Variants in ARMC9 observed in about 807,000 individuals in gnomAD.
ARMC9 encodes armadillo repeat containing 9, also known as lisH domain-containing protein ARMC9.
In ARMC9, 94 loss-of-function variants were observed where a neutral mutation model predicts 107.0. The ratio of observed to expected loss-of-function variants is 0.88; its 90% CI spans 0.74 to 1.04. The LOEUF (loss-of-function observed/expected upper bound fraction) is 1.04. Ranked by LOEUF, ARMC9 falls within the 50% of genes least tolerant of loss-of-function variation. The pLI is 0.00. For synonymous variants in ARMC9, 380 were observed against 396.9 expected (o/e 0.96, Z 0.51); for missense variants, 942 against 1,030.1 (o/e 0.91, Z 1.17).
Position 231,248,092 on chromosome 2 carries a change from C to T in ARMC9, c.879+8051C>T, listed in dbSNP as rs140219587. 4.1e-3 allele frequency among the ~76,000 whole-genome samples: 624 copies of T among 152,350 alleles called. 9 individuals are homozygous for T. Among genetic ancestry groups the T allele is most frequent in the African/African-American group, 0.013 (559 of 41,590 alleles). On this transcript the variant is annotated intron_variant, in intron 9 of 24. Coordinates refer to ENST00000611582, the MANE Select transcript of ARMC9 (RefSeq NM_001352754.2). ...GTGTCCAAATCGGGCTCAACTTTTC[C>T]TCCACACAGGTGGTCTCCCCTCCTG...
Position 231,372,669 on chromosome 2 carries a change from AAAATC to A in ARMC9, c.*1139_*1143del, listed in dbSNP as rs1214197704. The A allele has an allele frequency of 2.6e-5, 4 of 152,418 alleles. No homozygotes were observed. Among genetic ancestry groups the A allele is most frequent in the Non-Finnish European group, 5.8e-5 (4 of 69,102 alleles). The allele number at this position is 152,418 out of a possible 1,614,324, so 9.4% of individuals were successfully genotyped here. A position where few individuals can be genotyped will look rare whatever the true frequency, so the allele number is the denominator to read the frequency against. On this transcript the variant is annotated 3_prime_UTR_variant, in exon 25 of 25. Transcript: ENST00000611582. ...GTGTCCTGGATGTTACCCAAGCTCT[AAAATC>A]AAATAAAACCCATCAGTATTTAGTG... is the stretch of plus-strand genomic sequence containing the variant.
At chr2:231,355,749 A>C in intron 21 of ARMC9, 49 bp from the exon 22 acceptor site, 21 of 1,501,188 alleles carry the variant, frequency 1.4e-5, no homozygotes, top group Non-Finnish European at 1.8e-5. Flanking sequence ...CGGCAGTCCG[A>C]ATCTCCTGGC....
At chr2:231,288,366 C>A (rs1251449453) in intron 17 of ARMC9, among the ~76,000 whole-genome samples, 1 of 152,062 alleles carries the variant, frequency 6.6e-6, no homozygotes, top group African/African-American at 2.4e-5. Flanking sequence ...AATTTTTATT[C>A]TTTCTTTTAT....
Position 231,291,380 on chromosome 2 carries a change from AT to A in ARMC9, c.1655del (p.Ile552ThrfsTer8). 5 of 1,613,790 alleles carry A rather than the reference AT, an allele frequency of 3.1e-6. No homozygotes were observed. Among genetic ancestry groups the A allele is most frequent in the Non-Finnish European group, 4.2e-6 (5 of 1,179,790 alleles). ...AATGGAAGACATCCTACGCTGCTTC[AT>A]CAAAGAAGGCAATGCTGAAATGATC... ...MGMEDILRCF[I>X]KEGNAEMIRQ... On this transcript the variant is annotated frameshift_variant, in exon 18 of 25. Coordinates refer to ENST00000611582, the MANE Select transcript of ARMC9 (RefSeq NM_001352754.2). LOFTEE classifies it high-confidence loss of function.
chr2:231,221,777 G>A (rs899056972), intron 5 of ARMC9, among the ~76,000 whole-genome samples: 1 of 139,986 alleles, frequency 7.1e-6, no homozygotes, highest in African/African-American at 2.8e-5. Flanking sequence ...GTTGTAGTGA[G>A]CATAGATCGA....
intron 9 of ARMC9, among the ~76,000 whole-genome samples, chr2:231,249,105 C>T (rs2037051105): frequency 6.6e-6 from 1 of 152,196 alleles, no homozygotes; most frequent in African/African-American, 2.4e-5. Context: ...GGTAGCCTCT[C>T]CTGGGGTCTG....
At chr2:231,347,165 G>A (rs527760778) in intron 21 of ARMC9, among the ~76,000 whole-genome samples, 6 of 152,102 alleles carry the variant, frequency 3.9e-5, no homozygotes, top group Non-Finnish European at 8.8e-5. Context: ...GATATGTGGG[G>A]GTGGCCCCAT....
At chr2:231,331,421 C>A (rs949544137) in intron 19 of ARMC9, among the ~76,000 whole-genome samples, 1 of 150,904 alleles carries the variant, frequency 6.6e-6, no homozygotes, top group Non-Finnish European at 1.5e-5. Flanking sequence ...AGTTCCCTAT[C>A]CCCCATAAGG....
chr2:231,370,893 T>C, intron 24 of ARMC9: 1 of 334,488 alleles, frequency 3.0e-6, no homozygotes. Context: ...GATATGCGCA[T>C]TTCTTTGGCC....
intron 19 of ARMC9, among the ~76,000 whole-genome samples, chr2:231,302,443 T>TG (rs1359473439): frequency 1.4e-5 from 2 of 142,220 alleles, no homozygotes; most frequent in Non-Finnish European, 3.1e-5. Flanking sequence ...GTTTGTTTTT[T>TG]TTTTTTTTTT....
At chr2:231,338,057 C>T (rs2044250555) in intron 20 of ARMC9, among the ~76,000 whole-genome samples, 1 of 152,180 alleles carries the variant, frequency 6.6e-6, no homozygotes, top group South Asian at 2.1e-4. Flanking sequence ...CTTTTCATCT[C>T]TTAGCGTGGC....
chr2:231,331,799 C>T lies in ARMC9; in HGVS notation c.1780C>T (p.His594Tyr). 2 of 1,613,780 alleles carry T rather than the reference C, an allele frequency of 1.2e-6. No homozygotes were observed. Among genetic ancestry groups the T allele is most frequent in the African/African-American group, 1.3e-5 (1 of 75,028 alleles). ...CCCATGTCTCCTGAAACAGGAGGAC[C>T]ATGACATCATGGAAGCCGATCTGGA... Reference protein sequence around the residue: ...DDEDEDDEEDHDIMEADLDKD... With the variant: ...DDEDEDDEEDYDIMEADLDKD... The change falls in exon 20 of 25, where the codon CAT becomes TAT. Residue 594 changes from histidine (H) to tyrosine (Y), a missense_variant. His to Tyr is a moderately conservative substitution (Grantham distance 83, BLOSUM62 2). Transcript: ENST00000611582.
chr2:231,233,181 A>G (rs2035401331), intron 7 of ARMC9, among the ~76,000 whole-genome samples: 1 of 152,210 alleles, frequency 6.6e-6, no homozygotes, highest in African/African-American at 2.4e-5. Context: ...TAGTAAAAAT[A>G]TTTTACTTCT....
At chr2:231,217,058 A>C (rs2033588208) in intron 5 of ARMC9, among the ~76,000 whole-genome samples, 1 of 152,200 alleles carries the variant, frequency 6.6e-6, no homozygotes, top group South Asian at 2.1e-4. Flanking sequence ...ACACTTTGTA[A>C]TAGCAAAAAC....
intron 20 of ARMC9, among the ~76,000 whole-genome samples, chr2:231,343,215 G>A (rs778794923): frequency 6.6e-6 from 1 of 151,674 alleles, no homozygotes; most frequent in Non-Finnish European, 1.5e-5. Flanking sequence ...ACCCGGACCA[G>A]GGCAGGTTTT....
At chr2:231,348,948 A>T (rs1486152147) in intron 21 of ARMC9, among the ~76,000 whole-genome samples, 1 of 151,888 alleles carries the variant, frequency 6.6e-6, no homozygotes, top group Non-Finnish European at 1.5e-5. Flanking sequence ...GCTGGCAAGG[A>T]TGTGGAGAAA....
intron 19 of ARMC9, among the ~76,000 whole-genome samples, chr2:231,316,160 A>ATG (rs141395956): frequency 0.031 from 4,578 of 147,580 alleles, 127 homozygotes; most frequent in African/African-American, 0.079. Flanking sequence ...GTGTGTATGT[A>ATG]TGTGTGTGTG....
chr2:231,273,769 TA>T (rs2039537203), intron 14 of ARMC9, among the ~76,000 whole-genome samples: 2 of 152,282 alleles, frequency 1.3e-5, no homozygotes, highest in African/African-American at 4.8e-5. Flanking sequence ...CACACCATAA[TA>T]TTCCCCCATA....
rs2046200335 is a variant in ARMC9, at chr2:231,376,453, T to TC, written c.*4919dup. Among the ~76,000 whole-genome samples, 1 of 152,106 alleles carries TC rather than the reference T, an allele frequency of 6.6e-6. No individual in the cohort carries two copies. Among genetic ancestry groups the TC allele is most frequent in the Non-Finnish European group, 1.5e-5 (1 of 68,014 alleles). ...CCGGGGGCGTGGTCGTCTCTTATGG[T>TC]CGAGGCTGCAGAGATGAAATAAACT... is the stretch of plus-strand genomic sequence containing the variant. On this transcript the variant is annotated 3_prime_UTR_variant, in exon 25 of 25. Transcript: ENST00000611582.
Sources: allele counts gnomAD v4.1 joint callset (sites outside exome capture counted in the v4.1 genomes callset), GRCh38; gene constraint gnomAD v4.1.1; transcripts MANE v1.5; gene names NCBI Gene and HGNC (gene_info 2026-07-23, HGNC 2026-07-21).